PPFIBP1: variants seen among roughly 807,000 people sequenced by gnomAD.
PPFIBP1 encodes the protein liprin-beta-1.
Under a neutral mutation model 137.8 loss-of-function variants are expected in PPFIBP1, and 112 were observed. The observed-to-expected ratio is 0.81, with a 90% CI of 0.70 to 0.95. The LOEUF is 0.95. PPFIBP1 is among the 40% of genes least tolerant of loss of function. PPFIBP1 has a pLI of 0.00. For missense variants in PPFIBP1, 1,083 were observed against 1,196.6 expected (o/e 0.91, Z 1.40); for synonymous variants, 378 against 417.3 (o/e 0.91, Z 1.15).
At chr12:27,623,044 G>T (rs1319080104) in intron 2 of PPFIBP1, among the ~76,000 whole-genome samples, 2 of 152,070 alleles carry the variant, frequency 1.3e-5, no homozygotes, top group Non-Finnish European at 2.9e-5. Context: ...CTTCCTATGG[G>T]TATACATATC....
chr12:27,654,899 A>T, intron 8 of PPFIBP1, 85 bp downstream of exon 8: 1 of 1,472,054 alleles, frequency 6.8e-7, no homozygotes, highest in East Asian at 2.5e-5. Context: ...GATGTTTTCT[A>T]CTTAATGTAT....
chr12:27,603,100 G>A (rs921598991), intron 2 of PPFIBP1, among the ~76,000 whole-genome samples: 3 of 152,106 alleles, frequency 2.0e-5, no homozygotes, highest in Non-Finnish European at 4.4e-5. Context: ...CCAAATACAG[G>A]CAACCTACAG....
intron 2 of PPFIBP1, among the ~76,000 whole-genome samples, chr12:27,627,432 C>G (rs11837320): frequency 0.019 from 2,882 of 152,332 alleles, 97 homozygotes; most frequent in African/African-American, 0.064. Context: ...CTCCCTTTCT[C>G]TGAAGATTCC....
Position 27,654,838 on chromosome 12 carries a change from AT to A in PPFIBP1, c.696+28del, listed in dbSNP as rs755886280. On this transcript the variant is annotated intron_variant, in intron 8 of 29. Transcript: ENST00000228425. ...AAGTAAGTTTTTCTCACAGGTTAAC[AT>A]TTTCAAACAAATGGCATCACTATTC... 86 of 1,603,920 alleles carry A rather than the reference AT, an allele frequency of 5.4e-5. 3 individuals carry two copies. In the South Asian group the frequency reaches 9.6e-4, roughly 18 times the overall value.
At chr12:27,557,258 T>C (rs2048773519) in intron 1 of PPFIBP1, among the ~76,000 whole-genome samples, 1 of 142,748 alleles carries the variant, frequency 7.0e-6, no homozygotes, top group African/African-American at 2.6e-5. Context: ...TTTTTTGAGA[T>C]GGAGTCTTGC....
chr12:27,587,723 AT>A (rs2051956069), intron 2 of PPFIBP1, among the ~76,000 whole-genome samples: 1 of 149,788 alleles, frequency 6.7e-6, no homozygotes, highest in Non-Finnish European at 1.5e-5. Flanking sequence ...GCTTTTCTTT[AT>A]ATTTTCCCCA....
chr12:27,647,484 A>T (rs2058598246), intron 5 of PPFIBP1, among the ~76,000 whole-genome samples: 1 of 151,756 alleles, frequency 6.6e-6, no homozygotes, highest in South Asian at 2.1e-4. Context: ...TTTAACCAAA[A>T]AGTATTGTAC....
At chr12:27,654,434 CAAAT>C (rs1318269933) in intron 7 of PPFIBP1, 1 of 227,434 alleles carries the variant, frequency 4.4e-6, no homozygotes, top group Non-Finnish European at 8.5e-6. Flanking sequence ...AAATATCTGA[CAAAT>C]AATAGATATT....
intron 4 of PPFIBP1, among the ~76,000 whole-genome samples, chr12:27,641,376 C>T (rs971105761): frequency 2.1e-4 from 32 of 152,090 alleles, no homozygotes; most frequent in African/African-American, 7.7e-4. Context: ...AACTGTAGAC[C>T]AATGCAAACC....
intron 2 of PPFIBP1, among the ~76,000 whole-genome samples, chr12:27,623,382 G>A (rs6487620): frequency 0.58 from 88,438 of 151,924 alleles, 26,278 homozygotes; most frequent in Non-Finnish European, 0.61. Context: ...AATAATGATC[G>A]CATTTATCTA....
intron 10 of PPFIBP1, among the ~76,000 whole-genome samples, chr12:27,660,093 T>C (rs988203412): frequency 1.3e-5 from 2 of 152,184 alleles, no homozygotes; most frequent in Non-Finnish European, 2.9e-5. Flanking sequence ...GGTCTTGCTA[T>C]GTTGCCCAGG....
chr12:27,631,296 G>A (rs569476245), intron 2 of PPFIBP1, among the ~76,000 whole-genome samples: 4 of 152,090 alleles, frequency 2.6e-5, no homozygotes, highest in African/African-American at 9.7e-5. Context: ...TGAACTGGAC[G>A]ATTTTGATTT....
At chr12:27,636,336 A>C (rs2057676007) in intron 4 of PPFIBP1, 1 of 152,192 alleles carries the variant, frequency 6.6e-6, no homozygotes, top group African/African-American at 2.4e-5. Flanking sequence ...TCCTCCAGAG[A>C]CTTAAGGGTC....
intron 2 of PPFIBP1, among the ~76,000 whole-genome samples, chr12:27,606,807 A>T (rs751967054): frequency 1.3e-5 from 2 of 152,248 alleles, no homozygotes; most frequent in Non-Finnish European, 2.9e-5. Flanking sequence ...AGTGGGCCAC[A>T]GATTAGGCAC....
chr12:27,604,012 T>C (rs779311249), intron 2 of PPFIBP1, among the ~76,000 whole-genome samples: 13 of 152,152 alleles, frequency 8.5e-5, no homozygotes, highest in Non-Finnish European at 1.0e-4. Context: ...TTACTACTTA[T>C]CCTTAAAGGA....
intron 2 of PPFIBP1, among the ~76,000 whole-genome samples, chr12:27,588,020 T>C: frequency 6.6e-6 from 1 of 152,258 alleles, no homozygotes; most frequent in East Asian, 1.9e-4. Context: ...TTTCATGATG[T>C]TAACATGTTT....
Position 27,530,496 on chromosome 12 carries a change from A to G in PPFIBP1, c.-124+6131A>G, listed in dbSNP as rs150198750. Among the ~76,000 whole-genome samples the G allele has an allele frequency of 6.1e-4, 93 of 152,362 alleles. 1 individual carries two copies. Among genetic ancestry groups the G allele is most frequent in the African/African-American group, 2.2e-3 (90 of 41,590 alleles). On this transcript the variant is annotated intron_variant, in intron 1 of 29. Coordinates refer to ENST00000228425, the MANE Select transcript of PPFIBP1 (RefSeq NM_003622.4). ...GTGACTTTGCATAACTGAGAAAGCT[A>G]CTAAACACAGAATTAAGTTTCTTTT... is the stretch of plus-strand genomic sequence containing the variant.
At position 27,689,919 on chromosome 12, in the gene PPFIBP1, T is replaced by A. The variant is rs181572261; in HGVS notation, c.2685+716T>A. 3.7e-4 allele frequency among the ~76,000 whole-genome samples: 57 copies of A among 152,302 alleles called. 1 individual carries two copies. The highest frequency in any genetic ancestry group is 1.9e-3 in the Admixed American group (29 of 15,302). On this transcript the variant is annotated intron_variant, in intron 27 of 29. Transcript: ENST00000228425. ...TTTATCAGCATGCAGCTAGCTACAT[T>A]CTGGCAGGTGATCTGCAGAGTGAGT...
At chr12:27,563,410 T>C (rs1489009388) in intron 1 of PPFIBP1, among the ~76,000 whole-genome samples, 11 of 140,966 alleles carry the variant, frequency 7.8e-5, no homozygotes, top group African/African-American at 2.5e-4. Context: ...TGAGCTGAGA[T>C]AGTGCCACTG....
Sources: gnomAD v4.1 joint callset for allele counts (sites outside exome capture counted in the v4.1 genomes callset) on GRCh38, gnomAD v4.1.1 for gene constraint, MANE v1.5 for transcripts, NCBI Gene and HGNC (gene_info 2026-07-23, HGNC 2026-07-21) for gene names.